The following ZNF233 variants were observed in gnomAD, a reference collection of about 807,000 sequenced individuals.
ZNF233 encodes the protein zinc finger protein 233.
Under a neutral mutation model 11.6 loss-of-function variants are expected in ZNF233, and 7 were observed. That is an observed-to-expected ratio of 0.60 (90% CI 0.34 to 1.13). The LOEUF is 1.13. Among genes scored for constraint, ZNF233 ranks in the 50% most tolerant of loss-of-function variants. The pLI, the probability that ZNF233 is intolerant of heterozygous loss-of-function variation, is 0.03. For missense variants in ZNF233, 711 were observed against 785.5 expected, an observed-to-expected ratio of 0.91 and a Z score of 1.13; for synonymous variants, 226 against 268.5, an observed-to-expected ratio of 0.84 and a Z score of 1.55.
At chr19:44,269,873 ACAT>A (rs1437702807) in intron 4 of ZNF233, among the ~76,000 whole-genome samples, 6 of 152,076 alleles carry the variant, frequency 3.9e-5, no homozygotes, top group Non-Finnish European at 7.4e-5. Flanking sequence ...TTTTTGGCAA[ACAT>A]CAGAATTTTT....
At position 44,273,026 on chromosome 19, in the gene ZNF233, A is replaced by C. The variant is rs768869544; in HGVS notation, c.366A>C (p.Leu122=). 1 of 1,614,142 alleles carries C rather than the reference A, an allele frequency of 6.2e-7. No individual in the cohort carries two copies. The change falls in exon 5 of 5, where the codon CTA becomes CTC. Residue 122 remains leucine, a synonymous_variant. Transcript: ENST00000683810. ...GTAAATTAACCAGTAATCAAGACCT[A>C]ATAATAAATCTTCAAGGCAAGAGGT... The part of the protein sequence containing the change: ...FTSKLTSNQD[L]IINLQGKRSK...
At position 44,273,120 on chromosome 19, in the gene ZNF233, G is replaced by T. The variant is rs772555812; in HGVS notation, c.460G>T (p.Asp154Tyr). Residue 154 changes from aspartate (D) to tyrosine (Y), a missense_variant, in exon 5 of 5, where the codon GAT becomes TAT. Physicochemically the swap from Asp to Tyr is radical, Grantham distance 160. Transcript: ENST00000683810. Reference protein sequence around the residue: ...WTGESSQVSEDENYVIKLQGE... With the variant: ...WTGESSQVSEYENYVIKLQGE... The stretch of plus-strand genomic sequence containing the variant: ...AGGAGAATCTAGTCAGGTCTCTGAA[G>T]ATGAGAACTATGTAATAAAGCTACA... The T allele has an allele frequency of 6.2e-7, 1 of 1,614,034 alleles. No individual in the cohort carries two copies. The highest frequency in any genetic ancestry group is 8.5e-7 in the Non-Finnish European group (1 of 1,180,018).
Position 44,273,618 on chromosome 19 carries a change from G to A in ZNF233, c.958G>A (p.Gly320Ser). The A allele has an allele frequency of 6.2e-7, 1 of 1,614,136 alleles. No individual in the cohort carries two copies. The highest frequency in any genetic ancestry group is 8.5e-7 in the Non-Finnish European group (1 of 1,180,018). ...GEKCYRNGDSGEGFSQGSHLQ... is the reference protein window; with the variant it reads ...GEKCYRNGDSSEGFSQGSHLQ... ...GAAATGCTATAGGAATGGTGACAGT[G>A]GTGAGGGCTTCAGTCAGGGCTCACA... Residue 320 changes from glycine (G) to serine (S), a missense_variant, in exon 5 of 5, where the codon GGT becomes AGT. Physicochemically the swap from Gly to Ser is moderately conservative, Grantham distance 56. Coordinates refer to ENST00000683810, the MANE Select transcript of ZNF233 (RefSeq NM_001207005.2).
chr19:44,266,482 C>T (rs1473573302), intron 3 of ZNF233, among the ~76,000 whole-genome samples, 158 bp downstream of exon 3: 1 of 152,100 alleles, frequency 6.6e-6, no homozygotes, highest in Non-Finnish European at 1.5e-5. Flanking sequence ...GTCTATTTTT[C>T]TCAAATTGCA....
intron 1 of ZNF233, among the ~76,000 whole-genome samples, chr19:44,263,014 C>T (rs1425632229): frequency 2.0e-5 from 3 of 152,172 alleles, no homozygotes; most frequent in African/African-American, 4.8e-5. Context: ...ACCTCACCAG[C>T]TCTGTGACCT....
In ZNF233 at chr19:44,275,150, ATTGT is replaced by A. The variant is rs1020936084; in HGVS notation, c.*480_*483del. 9.5e-5 allele frequency: 37 copies of A among 389,746 alleles called. No homozygotes were observed. The highest frequency in any genetic ancestry group is 7.6e-4 in the African/African-American group (37 of 48,550). The allele number at this position is 389,746 out of a possible 1,614,324, so 24.1% of individuals were successfully genotyped here. ...CCTAAGAAATAGTGGCTTCCCTGGA[ATTGT>A]TTAACTTGATAGGAAAAATCTATCA... On this transcript the variant is annotated 3_prime_UTR_variant, in exon 5 of 5. Coordinates refer to ENST00000683810, the MANE Select transcript of ZNF233 (RefSeq NM_001207005.2).
At position 44,272,926 on chromosome 19, in the gene ZNF233, C is replaced by T. The variant is rs763639730; in HGVS notation, c.266C>T (p.Thr89Ile). The change falls in exon 5 of 5, where the codon ACC (threonine) becomes ATC (isoleucine). Residue 89 changes from threonine (T) to isoleucine (I), a missense_variant. Physicochemically the swap from Thr to Ile is moderately conservative, Grantham distance 89 (BLOSUM62 -1). Transcript: ENST00000683810. Reference sequence around the variant, plus strand: ...CACAAGAATCAAAATGAGATAGATACCCTTCAAGAAGTAAGATTAAGATTC... The same window carrying T: ...CACAAGAATCAAAATGAGATAGATATCCTTCAAGAAGTAAGATTAAGATTC... ...SGHKNQNEID[T>I]LQEVRLRFLS... The T allele has an allele frequency of 1.9e-6, 3 of 1,597,412 alleles. No individual in the cohort carries two copies. The South Asian group carries it at 3.4e-5, about 18-fold the overall frequency.
intron 4 of ZNF233, among the ~76,000 whole-genome samples, chr19:44,272,340 CAAAAA>C (rs34243089): frequency 1.1e-5 from 1 of 88,748 alleles, no homozygotes. Context: ...CCTGCAGTCT[CAAAAA>C]AAAAAAAAAA....
chr19:44,260,178 C>G (rs566111104), intron 1 of ZNF233: 1 of 239,218 alleles, frequency 4.2e-6, no homozygotes, highest in East Asian at 1.5e-4. Context: ...ACCTTCCACA[C>G]GCTCTGCTGT....
intron 1 of ZNF233, among the ~76,000 whole-genome samples, chr19:44,261,480 G>A (rs1974935033): frequency 6.6e-6 from 1 of 151,982 alleles, no homozygotes; most frequent in African/African-American, 2.4e-5. Context: ...GCAATGACTG[G>A]GGGATGCTCA....
chr19:44,262,620 G>A (rs1378876704), intron 1 of ZNF233, among the ~76,000 whole-genome samples: 1 of 152,174 alleles, frequency 6.6e-6, no homozygotes, highest in African/African-American at 2.4e-5. Context: ...AGAATACATT[G>A]CTCTCGTCCC....
Position 44,274,532 on chromosome 19 carries a change from G to C in ZNF233, c.1872G>C (p.Met624Ile), listed in dbSNP as rs780198618. Residue 624 changes from methionine to isoleucine, a missense_variant, in exon 5 of 5, where the codon ATG becomes ATC. Met to Ile is a conservative substitution (Grantham distance 10, BLOSUM62 1). Coordinates refer to ENST00000683810, the MANE Select transcript of ZNF233 (RefSeq NM_001207005.2). ...HTGEKPYKCG[M>I]CGKSFSQTSH... The stretch of plus-strand genomic sequence containing the variant: ...GAGAGAAACCCTATAAATGTGGCAT[G>C]TGTGGTAAGAGCTTCAGTCAGACTT... The C allele has an allele frequency of 1.2e-6, 2 of 1,613,550 alleles. No individual in the cohort carries two copies. The highest frequency in any genetic ancestry group is 1.7e-6 in the Non-Finnish European group (2 of 1,179,898).
intron 4 of ZNF233, among the ~76,000 whole-genome samples, chr19:44,270,354 A>C (rs1054837427): frequency 6.7e-6 from 1 of 148,710 alleles, no homozygotes; most frequent in African/African-American, 2.5e-5. Context: ...ACTAAAAAAA[A>C]AAAAAAAAAA....
chr19:44,273,922 C>G lies in ZNF233; in HGVS notation c.1262C>G (p.Ser421Cys). The change falls in exon 5 of 5, where the codon TCT becomes TGT. Residue 421 changes from serine to cysteine, a missense_variant. Coordinates refer to ENST00000683810, the MANE Select transcript of ZNF233 (RefSeq NM_001207005.2). ...CTTCAAGCCCATCAGAGAGGTCACTCTAGAGACAAGACATACAAATGGGAA... is the reference window on the plus strand; with the variant it reads ...CTTCAAGCCCATCAGAGAGGTCACTGTAGAGACAAGACATACAAATGGGAA... Reference protein sequence around the residue: ...SQLQAHQRGHSRDKTYKWEVS... With the variant: ...SQLQAHQRGHCRDKTYKWEVS... 6.2e-6 allele frequency: 10 copies of G among 1,613,992 alleles called. No individual in the cohort carries two copies. The highest frequency in any genetic ancestry group is 8.5e-6 in the Non-Finnish European group (10 of 1,179,938).
chr19:44,273,707 G>A lies in ZNF233; in HGVS notation c.1047G>A (p.Arg349=). 1 of 1,614,150 alleles carries A rather than the reference G, an allele frequency of 6.2e-7. No homozygotes were observed. The highest frequency in any genetic ancestry group is 8.5e-7 in the Non-Finnish European group (1 of 1,180,036). The change falls in exon 5 of 5, where the codon CGG becomes CGA. Residue 349 remains arginine, a synonymous_variant. Coordinates refer to ENST00000683810, the MANE Select transcript of ZNF233 (RefSeq NM_001207005.2). ...ENLYRCQVYA[R]SSNQNSCLPS... ...TCTACAGATGTCAGGTATATGCCCGGAGCTCCAACCAGAACTCCTGTCTTC... is the reference window on the plus strand; with the variant it reads ...TCTACAGATGTCAGGTATATGCCCGAAGCTCCAACCAGAACTCCTGTCTTC...
chr19:44,273,620 T>C lies in ZNF233; in HGVS notation c.960T>C (p.Gly320=), dbSNP rs1322575532. The change falls in exon 5 of 5, where the codon GGT becomes GGC. Residue 320 remains glycine, a synonymous_variant. Transcript: ENST00000683810. ...AATGCTATAGGAATGGTGACAGTGG[T>C]GAGGGCTTCAGTCAGGGCTCACATC... The part of the protein sequence containing the change: ...GEKCYRNGDS[G]EGFSQGSHLQ... The C allele has an allele frequency of 6.2e-7, 1 of 1,614,152 alleles. No individual in the cohort carries two copies.
rs772205988 is a variant in ZNF233, at chr19:44,274,308, C to A, written c.1648C>A (p.His550Asn). 1 of 1,613,160 alleles carries A rather than the reference C, an allele frequency of 6.2e-7. No individual in the cohort carries two copies. The change falls in exon 5 of 5, where the codon CAT becomes AAT. Residue 550 changes from histidine to asparagine, a missense_variant. By Grantham distance (68) the His-to-Asn change is moderately conservative (BLOSUM62 1). Transcript: ENST00000683810. ...TGGGAAGGGCTTTAGTCAGAGTTCG[C>A]ATCTCCAAGACCATCAGCAAGTCCA... The part of the protein sequence containing the change: ...TCGKGFSQSS[H>N]LQDHQQVHTG...
intron 1 of ZNF233, chr19:44,260,302 T>C (rs765881910): frequency 6.3e-6 from 1 of 159,180 alleles, no homozygotes; most frequent in Non-Finnish European, 1.4e-5. Flanking sequence ...TTAAGATAAA[T>C]AGATGTAAAA....
intron 1 of ZNF233, among the ~76,000 whole-genome samples, chr19:44,261,770 G>C (rs1974944744): frequency 1.3e-5 from 2 of 150,226 alleles, no homozygotes; most frequent in Admixed American, 1.3e-4. Context: ...TCGTGCCTCA[G>C]CCTCCCGAGT....
Sources: gnomAD v4.1 joint callset for allele counts (sites outside exome capture counted in the v4.1 genomes callset) on GRCh38, gnomAD v4.1.1 for gene constraint, MANE v1.5 for transcripts, NCBI Gene and HGNC (gene_info 2026-07-23, HGNC 2026-07-21) for gene names.